VIT: variants seen among roughly 807,000 people sequenced by gnomAD.
The protein encoded by VIT is vitrin.
In VIT, 99 loss-of-function variants were observed where a neutral mutation model predicts 78.0. The observed-to-expected ratio is 1.27, with a 90% CI of 1.08 to 1.50. VIT has a LOEUF of 1.50. Ranked by LOEUF, VIT falls within the 40% of genes most tolerant of loss-of-function variation. VIT has a pLI of 0.00. For synonymous variants in VIT, 374 were observed against 334.3 expected, an observed-to-expected ratio of 1.12 and a Z score of -1.29; for missense variants, 1,126 against 875.3, an observed-to-expected ratio of 1.29 and a Z score of -3.61.
chr2:36,800,502 C>T lies in VIT; in HGVS notation c.1059-799C>T, dbSNP rs750182567. On this transcript the variant is annotated intron_variant, in intron 12 of 15. Transcript: ENST00000379242. ...CTTTCTGACTGAGGCTCTTCTGGAG[C>T]ATGGAGCCCTGTGTGACTGCGCAGG... Among the ~76,000 whole-genome samples, 9 of 152,264 alleles carry T rather than the reference C, an allele frequency of 5.9e-5. No homozygotes were observed. In the South Asian group the frequency reaches 1.2e-3, roughly 21 times the overall value.
At position 36,728,841 on chromosome 2, in the gene VIT, A is replaced by T. The variant is rs1667021298; in HGVS notation, c.53-585A>T. On this transcript the variant is annotated intron_variant, in intron 2 of 15. Coordinates refer to ENST00000379242, the MANE Select transcript of VIT (RefSeq NM_053276.4). The stretch of plus-strand genomic sequence containing the variant: ...AAAAAAAAAAAAAAGAAAAAAGAAA[A>T]AATATTTTTTATAAATTTAGTGTAG... 1.3e-5 allele frequency among the ~76,000 whole-genome samples: 2 copies of T among 148,484 alleles called. 1 individual carries two copies. Among genetic ancestry groups the T allele is most frequent in the South Asian group, 4.3e-4 (2 of 4,658 alleles).
intron 6 of VIT, among the ~76,000 whole-genome samples, chr2:36,765,174 G>A (rs914479341): frequency 1.3e-5 from 2 of 152,120 alleles, no homozygotes; most frequent in African/African-American, 4.8e-5. Flanking sequence ...CCCCAGGTGG[G>A]CTCTAAATGC....
At chr2:36,711,495 G>T (rs144520500) in intron 1 of VIT, among the ~76,000 whole-genome samples, 1 of 152,168 alleles carries the variant, frequency 6.6e-6, no homozygotes, top group Non-Finnish European at 1.5e-5. Flanking sequence ...TTGGGTATGT[G>T]ACCTTGAATA....
intron 13 of VIT, among the ~76,000 whole-genome samples, chr2:36,802,084 A>T (rs1453949843): frequency 6.6e-6 from 1 of 152,196 alleles, no homozygotes; most frequent in Non-Finnish European, 1.5e-5. Context: ...AAAGAGAAAC[A>T]TGTTCTCTGT....
chr2:36,758,448 T>C (rs1668899267), intron 5 of VIT, among the ~76,000 whole-genome samples: 1 of 152,226 alleles, frequency 6.6e-6, no homozygotes, highest in South Asian at 2.1e-4. Context: ...CCTTGCCTGC[T>C]AGCTACCGTG....
intron 1 of VIT, among the ~76,000 whole-genome samples, chr2:36,713,974 T>C (rs141544925): frequency 6.1e-4 from 93 of 152,344 alleles, no homozygotes; most frequent in Non-Finnish European, 1.0e-3. Flanking sequence ...ATTTCCAAAA[T>C]ATAATCTGGC....
chr2:36,784,034 G>A (rs137855960), intron 11 of VIT, among the ~76,000 whole-genome samples: 50 of 152,302 alleles, frequency 3.3e-4, no homozygotes, highest in African/African-American at 1.1e-3. Context: ...CCGAGGCTAT[G>A]AGAACAGAAA....
chr2:36,794,530 C>G (rs996875493), intron 12 of VIT, among the ~76,000 whole-genome samples: 1 of 152,178 alleles, frequency 6.6e-6, no homozygotes, highest in Non-Finnish European at 1.5e-5. Flanking sequence ...CTGCCACGGA[C>G]TGCAGATTCA....
rs183107539 is a variant in VIT at position 36,722,528 on chromosome 2, T to C, written c.52+6106T>C. 5.9e-5 allele frequency among the ~76,000 whole-genome samples: 9 copies of C among 152,370 alleles called. No homozygotes were observed. The East Asian group carries it at 1.7e-3, about 29-fold the overall frequency. ...GATGCTAAATGTTTCATTGAGTATA[T>C]AATCCTAAATTAAAGCATCAGGGAA... is the stretch of plus-strand genomic sequence containing the variant. On this transcript the variant is annotated intron_variant, in intron 2 of 15. Transcript: ENST00000379242.
intron 1 of VIT, among the ~76,000 whole-genome samples, chr2:36,713,258 T>C (rs1356287281): frequency 6.6e-6 from 1 of 152,166 alleles, no homozygotes; most frequent in East Asian, 1.9e-4. Flanking sequence ...CATGTGCTTA[T>C]CCAGGGGAAT....
chr2:36,731,126 C>T (rs1573173536), intron 3 of VIT, among the ~76,000 whole-genome samples: 1 of 151,958 alleles, frequency 6.6e-6, no homozygotes, highest in Non-Finnish European at 1.5e-5. Context: ...TCACCAGGGA[C>T]CCACCCCTAT....
intron 9 of VIT, among the ~76,000 whole-genome samples, chr2:36,777,010 A>G (rs1261710127): frequency 6.8e-6 from 1 of 147,698 alleles, no homozygotes; most frequent in Non-Finnish European, 1.5e-5. Flanking sequence ...AATGGCATGA[A>G]CCCAGGAGGC....
chr2:36,728,448 TCAAA>T (rs1198584875), intron 2 of VIT, among the ~76,000 whole-genome samples: 2 of 151,948 alleles, frequency 1.3e-5, no homozygotes, highest in Admixed American at 6.6e-5. Flanking sequence ...TACAAAAGAG[TCAAA>T]CAGTTAAAAA....
intron 2 of VIT, among the ~76,000 whole-genome samples, chr2:36,722,828 C>A (rs1273614745): frequency 2.0e-5 from 3 of 152,100 alleles, no homozygotes; most frequent in Non-Finnish European, 4.4e-5. Context: ...AACTGGAAAA[C>A]ATGAGCACAG....
intron 1 of VIT, among the ~76,000 whole-genome samples, chr2:36,703,988 G>T (rs956385066): frequency 9.8e-5 from 14 of 142,166 alleles, no homozygotes; most frequent in African/African-American, 3.6e-4. Context: ...GCAGTGGCAC[G>T]ATCTCGGCTC....
chr2:36,806,131 G>C lies in VIT; in HGVS notation c.1389+467G>C, dbSNP rs542090192. On this transcript the variant is annotated intron_variant, in intron 14 of 15. Coordinates refer to ENST00000379242, the MANE Select transcript of VIT (RefSeq NM_053276.4). The stretch of plus-strand genomic sequence containing the variant: ...GATCGCGTTTTCAGATGCTCCTCCT[G>C]GGTTCTGTGGAGATGCCCAGCAGGA... Among the ~76,000 whole-genome samples, 65 of 152,254 alleles carry C rather than the reference G, an allele frequency of 4.3e-4. 1 individual carries two copies. Among genetic ancestry groups the C allele is most frequent in the African/African-American group, 1.5e-3 (64 of 41,542 alleles).
At chr2:36,757,256 C>T (rs935021503) in intron 5 of VIT, among the ~76,000 whole-genome samples, 3 of 152,184 alleles carry the variant, frequency 2.0e-5, no homozygotes. Context: ...TTCTAATTTT[C>T]ATATGCCCCT....
rs2148489451 is a variant in VIT at position 36,731,488 on chromosome 2, T to C, written c.118+1997T>C. ...CGGGGTTTCACCATGTTGGCCAGGA[T>C]GGTCTCGATCTCCTGACCTCATGAT... On this transcript the variant is annotated intron_variant, in intron 3 of 15. Transcript: ENST00000379242. Among the ~76,000 whole-genome samples, 2 of 152,250 alleles carry C rather than the reference T, an allele frequency of 1.3e-5. 1 individual carries two copies. The highest frequency in any genetic ancestry group is 4.1e-4 in the South Asian group (2 of 4,820).
intron 13 of VIT, among the ~76,000 whole-genome samples, chr2:36,803,537 T>C (rs1327865034): frequency 6.6e-6 from 1 of 152,318 alleles, no homozygotes; most frequent in South Asian, 2.1e-4. Flanking sequence ...AGAGAGGACT[T>C]CCGGGTGCTT....
Sources: gnomAD v4.1 joint callset for allele counts (sites outside exome capture counted in the v4.1 genomes callset) on GRCh38, gnomAD v4.1.1 for gene constraint, MANE v1.5 for transcripts, NCBI Gene and HGNC (gene_info 2026-07-23, HGNC 2026-07-21) for gene names.